TGFBI: variants seen among roughly 807,000 people sequenced by gnomAD.
TGFBI encodes the protein transforming growth factor-beta-induced protein ig-h3.
TGFBI carries 50 observed loss-of-function variants against 73.7 expected under a neutral mutation model. The observed-to-expected ratio is 0.68, with a 90% CI of 0.54 to 0.86. The LOEUF is 0.86. TGFBI is among the 40% of genes least tolerant of loss of function. The pLI is 0.00. For synonymous variants in TGFBI, 362 were observed against 360.5 expected, an observed-to-expected ratio of 1.00 and a Z score of -0.05; for missense variants, 839 against 877.0, an observed-to-expected ratio of 0.96 and a Z score of 0.55.
At chr5:136,056,841 A>T (rs997854506) in intron 12 of TGFBI, 46 bp downstream of exon 12, 4 of 1,568,474 alleles carry the variant, frequency 2.6e-6, no homozygotes, top group Non-Finnish European at 2.6e-6. Context: ...TAAAGTAGTG[A>T]TCCCTCAGGG....
At chr5:136,052,777 G>T (rs546398130) in intron 7 of TGFBI, 130 bp from the exon 8 acceptor site, 6 of 882,234 alleles carry the variant, frequency 6.8e-6, no homozygotes, top group East Asian at 2.7e-5. Context: ...TGGGCCCTGT[G>T]GTGCCCCAGC....
In TGFBI at chr5:136,047,332, T is replaced by C; in HGVS notation, c.683T>C (p.Val228Ala). 1 of 1,613,680 alleles carries C rather than the reference T, an allele frequency of 6.2e-7. No homozygotes were observed. The highest frequency in any genetic ancestry group is 8.5e-7 in the Non-Finnish European group (1 of 1,179,848). Residue 228 changes from valine (V) to alanine (A), a missense_variant, in exon 6 of 17, where the codon GTG (valine) becomes GCG (alanine). Coordinates refer to ENST00000442011, the MANE Select transcript of TGFBI (RefSeq NM_000358.3). ...GCCGACCACCATGCAACCAACGGGG[T>C]GGTGCACCTCATCGATAAGGTCATC... is the stretch of plus-strand genomic sequence containing the variant. ...LKADHHATNGVVHLIDKVIST... is the reference protein window; with the variant it reads ...LKADHHATNGAVHLIDKVIST...
Position 136,053,034 on chromosome 5 carries a change from C to T in TGFBI, c.1041C>T (p.Asn347=), listed in dbSNP as rs1315881619. The T allele has an allele frequency of 1.2e-5, 19 of 1,613,918 alleles. No homozygotes were observed. The highest frequency in any genetic ancestry group is 3.3e-4 in the Middle Eastern group (2 of 6,084). The change falls in exon 8 of 17, where the codon AAC becomes AAT. Residue 347 remains asparagine, a synonymous_variant. Transcript: ENST00000442011. ...VGCSGDMLTI[N]GKAIISNKDI... ...GCAGCGGGGACATGCTCACTATCAA[C>T]GGGAAGGCGATCATCTCCAATAAAG...
At chr5:136,029,428 T>A (rs1210002477) in intron 1 of TGFBI, among the ~76,000 whole-genome samples, 4 of 152,072 alleles carry the variant, frequency 2.6e-5, no homozygotes, top group African/African-American at 7.2e-5. Context: ...AGTGGGGAAG[T>A]GGACCAGAGA....
Position 136,061,564 on chromosome 5 carries a change from A to T in TGFBI, c.1971A>T (p.Ala657=). The T allele has an allele frequency of 6.2e-7, 1 of 1,613,600 alleles. No individual in the cohort carries two copies. The highest frequency in any genetic ancestry group is 8.5e-7 in the Non-Finnish European group (1 of 1,179,738). Residue 657 remains alanine, a synonymous_variant, in exon 15 of 17, where the codon GCA becomes GCT. Transcript: ENST00000442011. ...ADSALEIFKQ[A]SAFSRASQRS... ...CTGCGCTTGAGATCTTCAAACAAGC[A>T]TCAGCGTTTTCCAGGGTAAGATGCC...
chr5:136,050,334 GAAAAA>G (rs10706409), intron 7 of TGFBI, among the ~76,000 whole-genome samples: 1 of 131,464 alleles, frequency 7.6e-6, no homozygotes, highest in Non-Finnish European at 1.6e-5. Context: ...TCCGTCTCAA[GAAAAA>G]AAAAAAAAAA....
intron 12 of TGFBI, among the ~76,000 whole-genome samples, chr5:136,057,114 A>G (rs1050785985): frequency 2.0e-5 from 3 of 152,098 alleles, no homozygotes; most frequent in Non-Finnish European, 2.9e-5. Context: ...AGAACCATGC[A>G]AGGGGGACCA....
In TGFBI at chr5:136,047,682, G is replaced by A. The variant is rs573387747; in HGVS notation, c.771+262G>A. The A allele has an allele frequency of 2.5e-5, 12 of 471,530 alleles. No homozygotes were observed. The Middle Eastern group carries it at 2.4e-3, about 92-fold the overall frequency. 29.2% of individuals were successfully genotyped at this position (471,530 alleles called of 1,614,324 possible). A position where few individuals can be genotyped will look rare whatever the true frequency, so the allele number is the denominator to read the frequency against. ...AGGTCAGTGGTGTGTGGCTGCAGCAGCACAGTGTCCTCTGAGCCCTGGACC... is the reference window on the plus strand; with the variant it reads ...AGGTCAGTGGTGTGTGGCTGCAGCAACACAGTGTCCTCTGAGCCCTGGACC... On this transcript the variant is annotated intron_variant, in intron 6 of 16. Transcript: ENST00000442011.
At position 136,052,971 on chromosome 5, in the gene TGFBI, T is replaced by C. The variant is rs763795735; in HGVS notation, c.978T>C (p.Ser326=). ...MCAEAIVAGL[S]VETLEGTTLE... ...CTGAAGCCATCGTTGCGGGGCTGTC[T>C]GTAGAGACCCTGGAGGGCACGACAC... The change falls in exon 8 of 17, where the codon TCT becomes TCC. Residue 326 remains serine (S), a synonymous_variant. Coordinates refer to ENST00000442011, the MANE Select transcript of TGFBI (RefSeq NM_000358.3). 9.9e-6 allele frequency: 16 copies of C among 1,614,044 alleles called. No homozygotes were observed. In the South Asian group the frequency reaches 1.6e-4, roughly 17 times the overall value.
In TGFBI at chr5:136,056,881, G is replaced by T. The variant is rs373268077; in HGVS notation, c.1678+86G>T. 11 of 1,466,774 alleles carry T rather than the reference G, an allele frequency of 7.5e-6. No individual in the cohort carries two copies. The East Asian group carries it at 1.7e-4, about 23-fold the overall frequency. 90.9% of individuals were successfully genotyped at this position (1,466,774 alleles called of 1,614,324 possible). On this transcript the variant is annotated intron_variant, in intron 12 of 16. Coordinates refer to ENST00000442011, the MANE Select transcript of TGFBI (RefSeq NM_000358.3). Reference sequence around the variant, plus strand: ...AGCAGCAAACAGTTGGCACATCAAGGATTGACTTGAAGGGATTTTATGACA... The same window carrying T: ...AGCAGCAAACAGTTGGCACATCAAGTATTGACTTGAAGGGATTTTATGACA...
At chr5:136,049,022 G>A (rs1259935779) in intron 6 of TGFBI, 3 of 169,234 alleles carry the variant, frequency 1.8e-5, no homozygotes, top group South Asian at 3.3e-4. Flanking sequence ...GAGGAGGGCT[G>A]CAAGCCATGA....
intron 2 of TGFBI, among the ~76,000 whole-genome samples, chr5:136,042,564 T>A (rs1751358198): frequency 6.6e-6 from 1 of 151,916 alleles, no homozygotes; most frequent in African/African-American, 2.4e-5. Flanking sequence ...CCCAAGACAA[T>A]AGCCTGTTTA....
At chr5:136,054,605 C>T (rs1185591891) in intron 9 of TGFBI, 111 bp from the exon 10 acceptor site, 1 of 1,436,978 alleles carries the variant, frequency 7.0e-7, no homozygotes, top group Non-Finnish European at 9.8e-7. Context: ...TTTCTCAATC[C>T]CTGTTTCCAA....
chr5:136,046,681 C>T, intron 4 of TGFBI, 170 bp from the exon 5 acceptor site: 1 of 1,203,466 alleles, frequency 8.3e-7, no homozygotes, highest in Non-Finnish European at 1.1e-6. Flanking sequence ...GTCTAATGCC[C>T]CCCGTTCCCT....
rs121909209 is a variant in TGFBI at position 136,056,781 on chromosome 5, G to A, written c.1664G>A (p.Arg555Gln). 2 of 1,613,548 alleles carry A rather than the reference G, an allele frequency of 1.2e-6. No individual in the cohort carries two copies. The highest frequency in any genetic ancestry group is 1.7e-6 in the Non-Finnish European group (2 of 1,179,702). The stretch of plus-strand genomic sequence containing the variant: ...TTCCGAGCCCTGCCACCAAGAGAAC[G>A]GAGCAGACTCTTGGGTAAAGACCAA... Reference protein sequence around the residue: ...EAFRALPPRERSRLLGDAKEL... With the variant: ...EAFRALPPREQSRLLGDAKEL... Residue 555 changes from arginine (R) to glutamine (Q), a missense_variant, in exon 12 of 17, where the codon CGG becomes CAG. Physicochemically the swap from Arg to Gln is conservative, Grantham distance 43. Transcript: ENST00000442011.
At chr5:136,052,603 C>G (rs142621277) in intron 7 of TGFBI, among the ~76,000 whole-genome samples, 1 of 152,330 alleles carries the variant, frequency 6.6e-6, no homozygotes, top group East Asian at 1.9e-4. Context: ...CATGTCATCC[C>G]CACAGCAGCC....
At chr5:136,048,298 C>G (rs377213265) in intron 6 of TGFBI, 1 of 152,328 alleles carries the variant, frequency 6.6e-6, no homozygotes, top group East Asian at 1.9e-4. Flanking sequence ...GTTGGCAGCA[C>G]GTGAACAGCA....
Position 136,046,289 on chromosome 5 carries a change from C to T in TGFBI, c.299-46C>T, listed in dbSNP as rs199946083. 115 of 1,608,922 alleles carry T rather than the reference C, an allele frequency of 7.1e-5. 2 individuals carry two copies. The African/African-American group carries it at 1.2e-3, about 17-fold the overall frequency. On this transcript the variant is annotated intron_variant, in intron 3 of 16. Transcript: ENST00000442011. ...TCAGAGAAGGGAGGGTGTGGTTGGG[C>T]TGGACCCCCAGAGGCCATCCCTCCT...
In TGFBI at chr5:136,059,085, T is replaced by A. The variant is rs1157007041; in HGVS notation, c.1679-5T>A. ...AACTCTATCTCCTTTTCCCGCAACC[T>A]GCAGGAGATGCCAAGGAACTTGCCA... On this transcript the variant is annotated splice_region_variant and splice_polypyrimidine_tract_variant and intron_variant, in intron 12 of 16. Coordinates refer to ENST00000442011, the MANE Select transcript of TGFBI (RefSeq NM_000358.3). The A allele has an allele frequency of 5.6e-6, 9 of 1,610,492 alleles. No individual in the cohort carries two copies. The highest frequency in any genetic ancestry group is 6.8e-6 in the Non-Finnish European group (8 of 1,178,552).
Sources: gnomAD v4.1 joint callset for allele counts (sites outside exome capture counted in the v4.1 genomes callset) on GRCh38, gnomAD v4.1.1 for gene constraint, MANE v1.5 for transcripts, NCBI Gene and HGNC (gene_info 2026-07-23, HGNC 2026-07-21) for gene names.